Variants in EPHA6 observed in about 807,000 individuals in gnomAD.
EPHA6 encodes ephrin type-A receptor 6.
Under a neutral mutation model 112.0 loss-of-function variants are expected in EPHA6, and 50 were observed. That is an observed-to-expected ratio of 0.45 (90% CI 0.36 to 0.56). The LOEUF (loss-of-function observed/expected upper bound fraction) is 0.56, where lower values mean the gene tolerates loss of function less well. EPHA6 is among the 20% of genes least tolerant of loss of function. EPHA6 has a pLI of 0.00. For synonymous variants in EPHA6, 529 were observed against 490.7 expected, an observed-to-expected ratio of 1.08 and a Z score of -1.03; for missense variants, 1,280 against 1,417.4, an observed-to-expected ratio of 0.90 and a Z score of 1.56.
intron 3 of EPHA6, among the ~76,000 whole-genome samples, chr3:97,210,866 G>T (rs1473098689): frequency 6.6e-6 from 1 of 152,176 alleles, no homozygotes; most frequent in Non-Finnish European, 1.5e-5. Context: ...GGGACTGGAG[G>T]ATCTACATTC....
At chr3:97,263,809 A>C (rs1576798143) in intron 5 of EPHA6, among the ~76,000 whole-genome samples, 1 of 152,282 alleles carries the variant, frequency 6.6e-6, no homozygotes, top group East Asian at 1.9e-4. Context: ...GCAGGTAAAC[A>C]TGAAACCAAA....
chr3:97,221,562 T>C (rs1167039901), intron 3 of EPHA6, among the ~76,000 whole-genome samples: 1 of 151,992 alleles, frequency 6.6e-6, no homozygotes, highest in Non-Finnish European at 1.5e-5. Context: ...AAAGAATATA[T>C]AAGAAAGAAA....
chr3:97,238,796 G>T (rs1168389514), intron 4 of EPHA6, among the ~76,000 whole-genome samples: 1 of 151,812 alleles, frequency 6.6e-6, no homozygotes, highest in Non-Finnish European at 1.5e-5. Flanking sequence ...AGGCGGTAAA[G>T]GCAATTCAGG....
At chr3:96,992,259 A>G (rs1392496069) in intron 3 of EPHA6, among the ~76,000 whole-genome samples, 1 of 152,108 alleles carries the variant, frequency 6.6e-6, no homozygotes, top group East Asian at 1.9e-4. Context: ...CAATTTCTTT[A>G]CTGATCTTCC....
In EPHA6 at chr3:97,681,071, G is replaced by C. The variant is rs548654742; in HGVS notation, c.2785-39190G>C. ...AGAAAAAAGCAAGTAGTCAAATAGT[G>C]AAAAATAGGAAGAGGAATTTACAGA... On this transcript the variant is annotated intron_variant, in intron 14 of 17. Transcript: ENST00000389672. Among the ~76,000 whole-genome samples, 3 of 152,088 alleles carry C rather than the reference G, an allele frequency of 2.0e-5. No homozygotes were observed. The East Asian group carries it at 5.8e-4, about 29-fold the overall frequency.
At chr3:97,048,852 A>G (rs1270617612) in intron 3 of EPHA6, among the ~76,000 whole-genome samples, 1 of 152,184 alleles carries the variant, frequency 6.6e-6, no homozygotes, top group Non-Finnish European at 1.5e-5. Context: ...GCTGCAGAAA[A>G]ACGTGAAGCA....
intron 2 of EPHA6, among the ~76,000 whole-genome samples, chr3:96,898,784 C>T (rs1296160843): frequency 6.6e-6 from 1 of 151,982 alleles, no homozygotes; most frequent in Non-Finnish European, 1.5e-5. Context: ...AATCCCAGCA[C>T]TTTGGGAGGC....
intron 2 of EPHA6, among the ~76,000 whole-genome samples, chr3:96,887,959 C>T (rs1298858623): frequency 6.6e-6 from 1 of 152,044 alleles, no homozygotes; most frequent in African/African-American, 2.4e-5. Flanking sequence ...ACAACAACTC[C>T]CAGTCTGTTT....
chr3:97,391,123 T>C (rs1231492318), intron 5 of EPHA6, among the ~76,000 whole-genome samples: 3 of 152,002 alleles, frequency 2.0e-5, no homozygotes, highest in African/African-American at 7.2e-5. Context: ...ATTATAATTA[T>C]CTTTTTTTTA....
intron 14 of EPHA6, among the ~76,000 whole-genome samples, chr3:97,664,081 A>G (rs369174376): frequency 1.3e-5 from 2 of 152,254 alleles, no homozygotes; most frequent in Admixed American, 1.3e-4. Context: ...TTCTCTGATG[A>G]CCAGTGATGA....
At chr3:96,815,060 G>T in intron 1 of EPHA6, 52 bp downstream of exon 1, 2 of 1,455,564 alleles carry the variant, frequency 1.4e-6, no homozygotes, top group Non-Finnish European at 1.8e-6. Context: ...AGGGTGCTTG[G>T]AGAACCAGGG....
At chr3:97,633,599 G>A (rs2093921906) in intron 13 of EPHA6, among the ~76,000 whole-genome samples, 1 of 151,966 alleles carries the variant, frequency 6.6e-6, no homozygotes, top group Non-Finnish European at 1.5e-5. Flanking sequence ...TACATAAAGG[G>A]ATAATACTCA....
chr3:97,528,236 T>C (rs1392668617), intron 10 of EPHA6, among the ~76,000 whole-genome samples: 1 of 152,112 alleles, frequency 6.6e-6, no homozygotes. Context: ...TTATTTCCAA[T>C]AGGGGAATAA....
At chr3:97,712,187 C>A (rs1223038241) in intron 14 of EPHA6, among the ~76,000 whole-genome samples, 1 of 151,770 alleles carries the variant, frequency 6.6e-6, no homozygotes, top group Non-Finnish European at 1.5e-5. Context: ...TTCCATAGTT[C>A]TTTGCAATAA....
intron 5 of EPHA6, among the ~76,000 whole-genome samples, chr3:97,355,143 C>T (rs1271696315): frequency 6.6e-6 from 1 of 151,978 alleles, no homozygotes; most frequent in African/African-American, 2.4e-5. Context: ...AAGAAGAGGA[C>T]ATTAAGAAGC....
intron 5 of EPHA6, among the ~76,000 whole-genome samples, chr3:97,391,166 G>C (rs1200124713): frequency 6.6e-6 from 1 of 151,370 alleles, no homozygotes; most frequent in Non-Finnish European, 1.5e-5. Flanking sequence ...TCATAAAATG[G>C]TGGTCATATG....
At chr3:96,887,157 A>G (rs1183806043) in intron 2 of EPHA6, among the ~76,000 whole-genome samples, 1 of 151,998 alleles carries the variant, frequency 6.6e-6, no homozygotes, top group Admixed American at 6.6e-5. Flanking sequence ...GGCGAGGTTG[A>G]AGAGCCTTGT....
intron 14 of EPHA6, among the ~76,000 whole-genome samples, chr3:97,644,975 A>G (rs2094045325): frequency 1.3e-5 from 2 of 151,650 alleles, no homozygotes; most frequent in South Asian, 2.1e-4. Flanking sequence ...CCGGGCAGAG[A>G]CACAACCAAA....
At chr3:97,061,653 G>A (rs2046025088) in intron 3 of EPHA6, among the ~76,000 whole-genome samples, 1 of 152,150 alleles carries the variant, frequency 6.6e-6, no homozygotes, top group Admixed American at 6.5e-5. Flanking sequence ...AAATAAGACT[G>A]TGCTTTGGAT....
Sources: allele counts gnomAD v4.1 joint callset (sites outside exome capture counted in the v4.1 genomes callset), GRCh38; gene constraint gnomAD v4.1.1; transcripts MANE v1.5; gene names NCBI Gene and HGNC (gene_info 2026-07-23, HGNC 2026-07-21).